SHISAL1: variants seen among roughly 807,000 people sequenced by gnomAD.
SHISAL1 encodes shisa like 1.
In SHISAL1, 9 loss-of-function variants were observed where a neutral mutation model predicts 22.6. That is an observed-to-expected ratio of 0.40 (90% CI 0.24 to 0.70). The LOEUF is 0.70. SHISAL1 is among the 30% of genes least tolerant of loss of function. The pLI, the probability that SHISAL1 is intolerant of heterozygous loss-of-function variation, is 0.39. For missense variants in SHISAL1, 246 were observed against 270.6 expected (o/e 0.91, Z 0.64); for synonymous variants, 119 against 115.4 (o/e 1.03, Z -0.20).
At chr22:44,323,684 CATCCATCT>C in the SHISAL1 span, among the ~76,000 whole-genome samples, 2 of 149,154 alleles carry the variant, frequency 1.3e-5, no homozygotes, top group Non-Finnish European at 2.9e-5. Flanking sequence ...TCCATCCATC[CATCCATCT>C]ATCATCCCTT....
chr22:44,319,888 C>T, the SHISAL1 span, among the ~76,000 whole-genome samples: 1 of 152,026 alleles, frequency 6.6e-6, no homozygotes, highest in African/African-American at 2.4e-5. Context: ...CTAAATGTCT[C>T]AGACCTAGCT....
At chr22:44,261,090 TATATATATAC>T (rs139202087) in intron 4 of SHISAL1, among the ~76,000 whole-genome samples, 4,886 of 140,116 alleles carry the variant, frequency 0.035, 521 homozygotes, top group African/African-American at 0.12. Context: ...TATATATATA[TATATATATAC>T]ACTATATGGA....
intron 4 of SHISAL1, among the ~76,000 whole-genome samples, chr22:44,267,116 G>A (rs530202495): frequency 5.9e-5 from 9 of 152,190 alleles, no homozygotes; most frequent in African/African-American, 1.9e-4. Flanking sequence ...TCGCAGGAGC[G>A]ACAGGCAGAG....
intron 4 of SHISAL1, among the ~76,000 whole-genome samples, chr22:44,266,456 CTG>C (rs914096490): frequency 9.7e-6 from 1 of 102,904 alleles, no homozygotes; most frequent in African/African-American, 4.3e-5. Flanking sequence ...GTGTGTGGGG[CTG>C]TGTGTGTGTT....
chr22:44,286,489 C>T (rs999223360), intron 3 of SHISAL1, among the ~76,000 whole-genome samples: 2 of 152,196 alleles, frequency 1.3e-5, no homozygotes, highest in Non-Finnish European at 2.9e-5. Flanking sequence ...GACTCCACTG[C>T]AGACAGGGTC....
intron 4 of SHISAL1, among the ~76,000 whole-genome samples, chr22:44,269,312 CACAG>C (rs770332351): frequency 1.5e-5 from 2 of 129,894 alleles, no homozygotes; most frequent in African/African-American, 3.7e-5. Context: ...CACCATACTG[CACAG>C]ACACCCACAA....
At chr22:44,301,934 T>C (rs926278331) in intron 1 of SHISAL1, among the ~76,000 whole-genome samples, 2 of 152,018 alleles carry the variant, frequency 1.3e-5, no homozygotes, top group Non-Finnish European at 2.9e-5. Flanking sequence ...GGAGTGAATG[T>C]TTCATGGGTG....
At chr22:44,273,489 G>T (rs1314636003) in intron 4 of SHISAL1, among the ~76,000 whole-genome samples, 1 of 152,184 alleles carries the variant, frequency 6.6e-6, no homozygotes, top group Non-Finnish European at 1.5e-5. Flanking sequence ...GTATTTAATT[G>T]CATGTTTATC....
At chr22:44,258,295 A>G (rs2055098472) in intron 4 of SHISAL1, among the ~76,000 whole-genome samples, 2 of 151,484 alleles carry the variant, frequency 1.3e-5, no homozygotes, top group African/African-American at 2.4e-5. Flanking sequence ...TGGCAGAGCG[A>G]GACTCTGTCT....
intron 4 of SHISAL1, among the ~76,000 whole-genome samples, chr22:44,266,559 T>TGTGTGTGTGTGTGTGTGTGTG (rs1555926298): frequency 1.4e-5 from 2 of 142,540 alleles, no homozygotes; most frequent in Non-Finnish European, 3.0e-5. Context: ...TGTGTGTGTG[T>TGTGTGTGTGTGTGTGTGTGTG]TGGAGGGCTC....
the SHISAL1 span, among the ~76,000 whole-genome samples, chr22:44,329,037 C>T: frequency 1.3e-5 from 2 of 152,218 alleles, no homozygotes; most frequent in Admixed American, 6.5e-5. Flanking sequence ...CTCCCAGGCT[C>T]CAAAGGACAG....
intron 4 of SHISAL1, among the ~76,000 whole-genome samples, chr22:44,263,240 C>T (rs2055138702): frequency 6.6e-6 from 1 of 151,798 alleles, no homozygotes; most frequent in African/African-American, 2.4e-5. Context: ...CCAGTTAGTT[C>T]TTGTATTTTT....
At chr22:44,296,423 G>C (rs189034135) in intron 3 of SHISAL1, among the ~76,000 whole-genome samples, 4 of 151,872 alleles carry the variant, frequency 2.6e-5, no homozygotes, top group Non-Finnish European at 5.9e-5. Context: ...TTCTCCCAAA[G>C]TGCTAGGATT....
chr22:44,252,721 G>A (rs773432226), intron 4 of SHISAL1, among the ~76,000 whole-genome samples: 9 of 152,182 alleles, frequency 5.9e-5, no homozygotes, highest in African/African-American at 1.7e-4. Flanking sequence ...AGGGCCGGGC[G>A]TGGTGGCTCA....
At chr22:44,302,190 A>G (rs2055434731) in intron 1 of SHISAL1, among the ~76,000 whole-genome samples, 1 of 152,084 alleles carries the variant, frequency 6.6e-6, no homozygotes. Flanking sequence ...AAAATACAAA[A>G]TTAGCCGGGC....
chr22:44,255,274 TA>T lies in SHISAL1; in HGVS notation c.*-5590del, dbSNP rs149890784. Among the ~76,000 whole-genome samples the T allele has an allele frequency of 1.6e-4, 25 of 152,296 alleles. No individual in the cohort carries two copies. The East Asian group carries it at 4.6e-3, about 28-fold the overall frequency. On this transcript the variant is annotated intron_variant, in intron 4 of 4. Coordinates refer to ENST00000381176, the MANE Select transcript of SHISAL1 (RefSeq NM_001099294.2). ...GACTTTTGACCCTCAAACTCTCACC[TA>T]AACTCCATTCTGATGGCCAACGTGT...
chr22:44,288,651 A>C (rs1235432452), intron 3 of SHISAL1, among the ~76,000 whole-genome samples: 1 of 152,146 alleles, frequency 6.6e-6, no homozygotes, highest in Non-Finnish European at 1.5e-5. Flanking sequence ...AAAAAAAGAA[A>C]AACAAAAAAG....
chr22:44,330,169 G>A, the SHISAL1 span, among the ~76,000 whole-genome samples: 1 of 152,250 alleles, frequency 6.6e-6, no homozygotes, highest in Non-Finnish European at 1.5e-5. Flanking sequence ...GGGTCACACA[G>A]CCACCAATGC....
At chr22:44,290,129 C>T (rs1041335803) in intron 3 of SHISAL1, among the ~76,000 whole-genome samples, 1 of 152,208 alleles carries the variant, frequency 6.6e-6, no homozygotes, top group Admixed American at 6.5e-5. Flanking sequence ...CAGGCAGTCA[C>T]ATTTGAGGGT....
Sources: allele counts gnomAD v4.1 joint callset (sites outside exome capture counted in the v4.1 genomes callset), GRCh38; gene constraint gnomAD v4.1.1; transcripts MANE v1.5; gene names NCBI Gene and HGNC (gene_info 2026-07-23, HGNC 2026-07-21).